The following RNF125 variants were observed in gnomAD, a reference collection of about 807,000 sequenced individuals.
RNF125 encodes E3 ubiquitin-protein ligase RNF125.
A neutral mutation model predicts 26.0 loss-of-function variants in RNF125; 21 were observed. The ratio of observed to expected loss-of-function variants is 0.81; its 90% CI spans 0.57 to 1.16. The LOEUF is 1.16. RNF125 is among the 50% of genes most tolerant of loss of function. The pLI, the probability that RNF125 is intolerant of heterozygous loss-of-function variation, is 0.00. For missense variants in RNF125, 270 were observed against 299.4 expected (o/e 0.90, Z 0.72); for synonymous variants, 95 against 109.2 (o/e 0.87, Z 0.81).
rs1598813183 is a variant in RNF125, at chr18:32,037,181, C to G, written c.230C>G (p.Ala77Gly). 5 of 1,605,742 alleles carry G rather than the reference C, an allele frequency of 3.1e-6. No individual in the cohort carries two copies. Among genetic ancestry groups the G allele is most frequent in the Non-Finnish European group, 4.2e-6 (5 of 1,177,054 alleles). Residue 77 changes from alanine (A) to glycine (G), a missense_variant, in exon 2 of 6, where the codon GCA (alanine) becomes GGA (glycine). Coordinates refer to ENST00000217740, the MANE Select transcript of RNF125 (RefSeq NM_017831.4). ...AAGTGGACCTGTCCTTATTGCCGGG[C>G]ATATCTTCCTTCAGAAGGAGTTCCA... is the stretch of plus-strand genomic sequence containing the variant. ...NNKWTCPYCR[A>G]YLPSEGVPAT...
intron 2 of RNF125, among the ~76,000 whole-genome samples, chr18:32,039,722 C>T (rs2039196779): frequency 6.6e-6 from 1 of 151,698 alleles, no homozygotes; most frequent in South Asian, 2.1e-4. Context: ...TCCACCACTC[C>T]CCCTCCCCCA....
intron 1 of RNF125, among the ~76,000 whole-genome samples, chr18:32,019,497 G>C (rs918954632): frequency 1.3e-5 from 2 of 152,200 alleles, no homozygotes; most frequent in African/African-American, 4.8e-5. Flanking sequence ...ACCCGGGTCC[G>C]TTTTGTTTTG....
intron 1 of RNF125, among the ~76,000 whole-genome samples, chr18:32,034,036 CTG>C (rs1568195610): frequency 6.6e-6 from 1 of 151,876 alleles, no homozygotes; most frequent in African/African-American, 2.4e-5. Flanking sequence ...GTATTTCAAA[CTG>C]TACAGTCACC....
At chr18:32,056,154 T>C (rs1309022663) in intron 4 of RNF125, among the ~76,000 whole-genome samples, 1 of 152,070 alleles carries the variant, frequency 6.6e-6, no homozygotes, top group Non-Finnish European at 1.5e-5. Flanking sequence ...TCTTACTCTC[T>C]TCAGTATTCC....
At chr18:32,064,467 G>A (rs1292491030) in intron 4 of RNF125, among the ~76,000 whole-genome samples, 1 of 129,286 alleles carries the variant, frequency 7.7e-6, no homozygotes, top group African/African-American at 2.9e-5. Flanking sequence ...GATTACAGGT[G>A]CTGCCACCAT....
chr18:32,070,599 C>G lies in RNF125; in HGVS notation c.*2215C>G, dbSNP rs772659458. The stretch of plus-strand genomic sequence containing the variant: ...ACAATTACTCATTTCTTTTATTTAT[C>G]TTACACTTACAGCTGTCTCAGAATA... On this transcript the variant is annotated 3_prime_UTR_variant, in exon 6 of 6. Transcript: ENST00000217740. 2 of 152,198 alleles carry G rather than the reference C, an allele frequency of 1.3e-5. No individual in the cohort carries two copies. Among genetic ancestry groups the G allele is most frequent in the African/African-American group, 2.4e-5 (1 of 41,440 alleles). The allele number at this position is 152,198 out of a possible 1,614,324, so 9.4% of individuals were successfully genotyped here.
intron 2 of RNF125, among the ~76,000 whole-genome samples, chr18:32,041,027 C>G (rs956225154): frequency 6.6e-6 from 1 of 152,144 alleles, no homozygotes; most frequent in Admixed American, 6.6e-5. Context: ...CTTGACACGG[C>G]AGATTTCATG....
At chr18:32,036,253 T>C (rs1411862187) in intron 1 of RNF125, among the ~76,000 whole-genome samples, 2 of 152,130 alleles carry the variant, frequency 1.3e-5, no homozygotes, top group East Asian at 3.9e-4. Flanking sequence ...GTGTTCAGTT[T>C]TGAAATTTCA....
At chr18:32,061,546 C>T (rs1354691898) in intron 4 of RNF125, among the ~76,000 whole-genome samples, 1 of 152,186 alleles carries the variant, frequency 6.6e-6, no homozygotes, top group African/African-American at 2.4e-5. Context: ...TTCAGTTACA[C>T]TGAGGTTTTT....
intron 4 of RNF125, among the ~76,000 whole-genome samples, chr18:32,058,099 T>G (rs1031546333): frequency 7.6e-6 from 1 of 131,464 alleles, no homozygotes; most frequent in African/African-American, 3.0e-5. Context: ...ACCATTGCAC[T>G]CCAGCCTGGG....
At chr18:32,039,531 A>G (rs536874721) in intron 2 of RNF125, among the ~76,000 whole-genome samples, 1 of 152,312 alleles carries the variant, frequency 6.6e-6, no homozygotes, top group African/African-American at 2.4e-5. Context: ...AATATAGTAA[A>G]TGCTCAAAAT....
rs2039545058 is a variant in RNF125 at position 32,072,900 on chromosome 18, G to C, written c.*4516G>C. ...AGACCTCCTTAGAGACCTCCAGGCA[G>C]ACCTCCTTACTGTCTTCAGTGATGT... On this transcript the variant is annotated 3_prime_UTR_variant, in exon 6 of 6. Transcript: ENST00000217740. 6.6e-6 allele frequency: 1 copy of C among 152,206 alleles called. No individual in the cohort carries two copies. The highest frequency in any genetic ancestry group is 1.5e-5 in the Non-Finnish European group (1 of 68,040). 9.4% of individuals were successfully genotyped at this position (152,206 alleles called of 1,614,324 possible).
intron 4 of RNF125, among the ~76,000 whole-genome samples, chr18:32,048,446 C>A (rs13381311): frequency 0.093 from 13,911 of 149,140 alleles, 2,124 homozygotes; most frequent in African/African-American, 0.32. Flanking sequence ...ACAAAAAAAC[C>A]CAAAAAAACC....
chr18:32,079,241 G>C, the RNF125 span, among the ~76,000 whole-genome samples: 1 of 152,218 alleles, frequency 6.6e-6, no homozygotes, highest in Non-Finnish European at 1.5e-5. Flanking sequence ...GAAAGAGAGA[G>C]AGAAGATCTC....
In RNF125 at chr18:32,068,600, CAA is replaced by C. The variant is rs371336071; in HGVS notation, c.*223_*224del. On this transcript the variant is annotated 3_prime_UTR_variant, in exon 6 of 6. Transcript: ENST00000217740. Reference sequence around the variant, plus strand: ...CTTGAGATTCTTACACATCTAACAACAAAAAAAATTATCTACATCAGTCATTG... The same window carrying C: ...CTTGAGATTCTTACACATCTAACAACAAAAAATTATCTACATCAGTCATTG... 1 of 423,162 alleles carries C rather than the reference CAA, an allele frequency of 2.4e-6. No individual in the cohort carries two copies. The highest frequency in any genetic ancestry group is 4.3e-6 in the Non-Finnish European group (1 of 234,816). 26.2% of individuals were successfully genotyped at this position (423,162 alleles called of 1,614,324 possible).
chr18:32,036,359 T>C (rs540294656), intron 1 of RNF125, among the ~76,000 whole-genome samples: 9 of 151,792 alleles, frequency 5.9e-5, no homozygotes, highest in African/African-American at 2.2e-4. Flanking sequence ...CCCAAATAGA[T>C]ATTATGTGCT....
Position 32,047,792 on chromosome 18 carries a change from GTAGA to G in RNF125, c.504+2067_504+2070del, listed in dbSNP as rs374388651. Among the ~76,000 whole-genome samples the G allele has an allele frequency of 5.7e-4, 87 of 152,170 alleles. No homozygotes were observed. The South Asian group carries it at 0.012, about 21-fold the overall frequency. On this transcript the variant is annotated intron_variant, in intron 4 of 5. Coordinates refer to ENST00000217740, the MANE Select transcript of RNF125 (RefSeq NM_017831.4). ...AAACATAAATATATTAGACAGGTAG[GTAGA>G]TAGATAATGGATAGAAATAAAGATG... is the stretch of plus-strand genomic sequence containing the variant.
the RNF125 span, among the ~76,000 whole-genome samples, chr18:32,086,738 C>T: frequency 6.6e-6 from 1 of 152,020 alleles, no homozygotes; most frequent in Non-Finnish European, 1.5e-5. Context: ...AGGCTGGTCT[C>T]GAACTCCCGA....
At position 32,032,960 on chromosome 18, in the gene RNF125, A is replaced by G. The variant is rs1428843374; in HGVS notation, c.165-4156A>G. Among the ~76,000 whole-genome samples the G allele has an allele frequency of 4.6e-5, 7 of 152,208 alleles. No individual in the cohort carries two copies. The South Asian group carries it at 1.0e-3, about 23-fold the overall frequency. The stretch of plus-strand genomic sequence containing the variant: ...TGAGGGTTGACATTTCACATTTAGC[A>G]TGTTGTTTAACATGAGCCGACCCTG... On this transcript the variant is annotated intron_variant, in intron 1 of 5. Coordinates refer to ENST00000217740, the MANE Select transcript of RNF125 (RefSeq NM_017831.4).
Sources: allele counts gnomAD v4.1 joint callset (sites outside exome capture counted in the v4.1 genomes callset), GRCh38; gene constraint gnomAD v4.1.1; transcripts MANE v1.5; gene names NCBI Gene and HGNC (gene_info 2026-07-23, HGNC 2026-07-21).